XPNPEP3: variants seen among roughly 807,000 people sequenced by gnomAD.
XPNPEP3 encodes X-prolyl aminopeptidase 3.
XPNPEP3 carries 41 observed loss-of-function variants against 60.0 expected under a neutral mutation model. That is an observed-to-expected ratio of 0.68 (90% CI 0.53 to 0.89). The LOEUF is 0.89. Among genes scored for constraint, XPNPEP3 ranks in the 40% least tolerant of loss-of-function variants. The pLI is 0.00. For missense variants in XPNPEP3, 598 were observed against 638.9 expected (o/e 0.94, Z 0.69); for synonymous variants, 212 against 223.2 (o/e 0.95, Z 0.45).
intron 7 of XPNPEP3, among the ~76,000 whole-genome samples, chr22:40,920,298 G>A (rs773736552): frequency 6.6e-6 from 1 of 151,906 alleles, no homozygotes; most frequent in Non-Finnish European, 1.5e-5. Context: ...AACCCGGTGG[G>A]GGCAGAGGTT....
intron 6 of XPNPEP3, among the ~76,000 whole-genome samples, chr22:40,911,873 G>T (rs767762579): frequency 2.0e-5 from 3 of 152,082 alleles, no homozygotes; most frequent in Non-Finnish European, 4.4e-5. Flanking sequence ...GCAGCAGTTA[G>T]TGTGGTTCAT....
chr22:40,913,918 G>A (rs2058185597), intron 6 of XPNPEP3, among the ~76,000 whole-genome samples: 1 of 152,122 alleles, frequency 6.6e-6, no homozygotes, highest in Non-Finnish European at 1.5e-5. Context: ...GCCGAGGCAG[G>A]CAGATCACCT....
chr22:40,874,433 T>G (rs2058019814), intron 2 of XPNPEP3, among the ~76,000 whole-genome samples: 1 of 151,294 alleles, frequency 6.6e-6, no homozygotes. Context: ...GTTTTTGTTT[T>G]TGTTTTTTTT....
chr22:40,875,742 G>T (rs557972926), intron 2 of XPNPEP3, among the ~76,000 whole-genome samples: 1 of 151,860 alleles, frequency 6.6e-6, no homozygotes, highest in African/African-American at 2.4e-5. Context: ...GGCTGGGCAC[G>T]GTGTCTCACA....
At chr22:40,858,819 C>G (rs1469107667) in intron 1 of XPNPEP3, among the ~76,000 whole-genome samples, 1 of 152,154 alleles carries the variant, frequency 6.6e-6, no homozygotes, top group Admixed American at 6.5e-5. Context: ...CGTGAGCCAC[C>G]GCGCCCGGCT....
chr22:40,858,478 T>C (rs1369689714), intron 1 of XPNPEP3, among the ~76,000 whole-genome samples: 2 of 147,556 alleles, frequency 1.4e-5, no homozygotes, highest in East Asian at 2.0e-4. Flanking sequence ...TAAAACGGAG[T>C]GGCCAGCACT....
At chr22:40,873,864 A>G (rs2058017687) in intron 2 of XPNPEP3, among the ~76,000 whole-genome samples, 1 of 152,194 alleles carries the variant, frequency 6.6e-6, no homozygotes, top group African/African-American at 2.4e-5. Flanking sequence ...GTTACAGTGA[A>G]TATAATATTT....
intron 7 of XPNPEP3, among the ~76,000 whole-genome samples, chr22:40,914,910 G>T (rs1355980119): frequency 6.6e-6 from 1 of 151,776 alleles, no homozygotes. Context: ...GTGATGATTG[G>T]GTGTTCACGT....
In XPNPEP3 at chr22:40,880,956, G is replaced by A. The variant is rs116568649; in HGVS notation, c.182-814G>A. On this transcript the variant is annotated intron_variant, in intron 2 of 9. Coordinates refer to ENST00000357137, the MANE Select transcript of XPNPEP3 (RefSeq NM_022098.4). ...TGGGGAGTAACTGCTCATAAACATG[G>A]AGGTTTTTTTTGTTATTGAAATGTT... Among the ~76,000 whole-genome samples, 771 of 152,228 alleles carry A rather than the reference G, an allele frequency of 5.1e-3. 3 individuals carry two copies. The highest frequency in any genetic ancestry group is 0.017 in the African/African-American group (722 of 41,542).
chr22:40,898,860 G>T (rs767873775), intron 4 of XPNPEP3, among the ~76,000 whole-genome samples: 7 of 152,050 alleles, frequency 4.6e-5, no homozygotes, highest in Non-Finnish European at 5.9e-5. Flanking sequence ...GAACCGTACT[G>T]TCTGCATCCA....
At position 40,881,817 on chromosome 22, in the gene XPNPEP3, C is replaced by T. The variant is rs766576440; in HGVS notation, c.229C>T (p.His77Tyr). 7.4e-6 allele frequency: 12 copies of T among 1,614,082 alleles called. No homozygotes were observed. Among genetic ancestry groups the T allele is most frequent in the Non-Finnish European group, 1.7e-6 (2 of 1,180,028 alleles). Residue 77 changes from histidine (H) to tyrosine (Y), a missense_variant, in exon 3 of 10, where the codon CAC (histidine) becomes TAC (tyrosine). His to Tyr is a moderately conservative substitution (Grantham distance 83). Transcript: ENST00000357137. Reference sequence around the variant, plus strand: ...TCAGGTGGAATATGCACTTCGCAGACACAAACTAATGTCTCTGATCCAGAA... The same window carrying T: ...TCAGGTGGAATATGCACTTCGCAGATACAAACTAATGTCTCTGATCCAGAA... ...LSQVEYALRR[H>Y]KLMSLIQKEA... is the part of the protein sequence containing the mutation.
chr22:40,912,164 C>A (rs1032834035), intron 6 of XPNPEP3, among the ~76,000 whole-genome samples: 5 of 151,746 alleles, frequency 3.3e-5, no homozygotes, highest in African/African-American at 1.2e-4. Context: ...AAAATTTTCT[C>A]AGTTTTAATT....
At chr22:40,925,301 G>C (rs1274040276) in intron 9 of XPNPEP3, among the ~76,000 whole-genome samples, 5 of 152,220 alleles carry the variant, frequency 3.3e-5, no homozygotes. Context: ...GAGAAGCAGT[G>C]ACCACAATGG....
Position 40,874,016 on chromosome 22 carries a change from T to C in XPNPEP3, c.181+4901T>C, listed in dbSNP as rs202227397. Among the ~76,000 whole-genome samples the C allele has an allele frequency of 1.2e-4, 18 of 152,294 alleles. No homozygotes were observed. In the East Asian group the frequency reaches 2.7e-3, roughly 23 times the overall value. On this transcript the variant is annotated intron_variant, in intron 2 of 9. Coordinates refer to ENST00000357137, the MANE Select transcript of XPNPEP3 (RefSeq NM_022098.4). ...TCTCTTGAGCAAGGGATGCATTTTATTTTTAAAACTTGTTAAATATGGTTG... is the reference window on the plus strand; with the variant it reads ...TCTCTTGAGCAAGGGATGCATTTTACTTTTAAAACTTGTTAAATATGGTTG...
At chr22:40,901,169 G>A (rs1001819589) in intron 4 of XPNPEP3, among the ~76,000 whole-genome samples, 10 of 151,102 alleles carry the variant, frequency 6.6e-5, no homozygotes, top group East Asian at 5.8e-4. Flanking sequence ...GTGAAAAAAC[G>A]GAATGAGAGA....
At chr22:40,870,340 A>T in intron 2 of XPNPEP3, 1 of 244,824 alleles carries the variant, frequency 4.1e-6, no homozygotes, top group South Asian at 4.1e-5. Flanking sequence ...TTGTCAAGAT[A>T]ATGGCCTCTG....
intron 4 of XPNPEP3, among the ~76,000 whole-genome samples, chr22:40,903,106 T>G (rs1394579036): frequency 2.6e-5 from 4 of 152,222 alleles, no homozygotes; most frequent in Non-Finnish European, 5.9e-5. Context: ...TGATACAAAC[T>G]GCTCTGAAAC....
intron 5 of XPNPEP3, among the ~76,000 whole-genome samples, chr22:40,908,477 C>T (rs1569029048): frequency 6.6e-6 from 1 of 152,144 alleles, no homozygotes; most frequent in Non-Finnish European, 1.5e-5. Flanking sequence ...ATGATTGCCC[C>T]ACTGCACTCC....
At chr22:40,922,207 C>A in intron 7 of XPNPEP3, 126 bp from the exon 8 acceptor site, 1 of 1,109,368 alleles carries the variant, frequency 9.0e-7, no homozygotes, top group Non-Finnish European at 1.3e-6. Flanking sequence ...TAGATTGGTA[C>A]TTATTAAACA....
Sources: allele counts gnomAD v4.1 joint callset (sites outside exome capture counted in the v4.1 genomes callset), GRCh38; gene constraint gnomAD v4.1.1; transcripts MANE v1.5; gene names NCBI Gene and HGNC (gene_info 2026-07-23, HGNC 2026-07-21).